Variants in COQ8B observed in about 807,000 individuals in gnomAD.
The protein encoded by COQ8B is coenzyme Q8B.
Under a neutral mutation model 62.0 loss-of-function variants are expected in COQ8B, and 44 were observed. That is an observed-to-expected ratio of 0.71 (90% confidence interval 0.56 to 0.91). The LOEUF (loss-of-function observed/expected upper bound fraction) is 0.91, where lower values mean the gene tolerates loss of function less well. Ranked by LOEUF, COQ8B falls within the 40% of genes least tolerant of loss-of-function variation. COQ8B has a pLI of 0.00. For synonymous variants in COQ8B, 252 were observed against 289.9 expected (o/e 0.87, Z 1.33); for missense variants, 649 against 731.6 (o/e 0.89, Z 1.30).
chr19:40,714,461 T>TC, intron 2 of COQ8B, 64 bp from the exon 3 acceptor site: 1 of 1,613,372 alleles, frequency 6.2e-7, no homozygotes, highest in Non-Finnish European at 8.5e-7. Flanking sequence ...TCTGGACCCC[T>TC]CCTGTCCTTT....
rs1568435087 is a variant in COQ8B at position 40,691,966 on chromosome 19, G to A, written c.*69C>T. 33 of 1,404,792 alleles carry A rather than the reference G, an allele frequency of 2.3e-5. No homozygotes were observed. Among genetic ancestry groups the A allele is most frequent in the Middle Eastern group, 2.6e-4 (1 of 3,860 alleles). 87.0% of individuals were successfully genotyped at this position (1,404,792 alleles called of 1,614,324 possible). ...GGGGCTCCTCTGACCCAGGGCAGAC[G>A]GGGAAGGGATAAGAGGCACTACAGC... is the stretch of plus-strand genomic sequence containing the variant. On this transcript the variant is annotated 3_prime_UTR_variant, in exon 15 of 15. Transcript: ENST00000324464.
Position 40,705,425 on chromosome 19 carries a change from G to A in COQ8B, c.390C>T (p.Ser130=), listed in dbSNP as rs2082093324. 6.3e-7 allele frequency: 1 copy of A among 1,586,362 alleles called. No individual in the cohort carries two copies. The highest frequency in any genetic ancestry group is 1.3e-5 in the African/African-American group (1 of 74,476). ...LQSEGGSGLD[S]SPFLSEANAE... ...CATTGGCCTCCGACAGGAAGGGGCTGGAGTCCAGCCCAGAACCACCCTCTG... is the reference window on the plus strand; with the variant it reads ...CATTGGCCTCCGACAGGAAGGGGCTAGAGTCCAGCCCAGAACCACCCTCTG... Residue 130 remains serine (S), a synonymous_variant, in exon 6 of 15, where the codon TCC becomes TCT. Coordinates refer to ENST00000324464, the MANE Select transcript of COQ8B (RefSeq NM_024876.4).
intron 10 of COQ8B, among the ~76,000 whole-genome samples, chr19:40,701,657 C>T (rs2082061909): frequency 6.6e-6 from 1 of 152,224 alleles, no homozygotes; most frequent in African/African-American, 2.4e-5. Context: ...CATCCTCACT[C>T]CACAGTGAGG....
At chr19:40,697,148 G>C (rs1768168832) in intron 12 of COQ8B, among the ~76,000 whole-genome samples, 1 of 144,272 alleles carries the variant, frequency 6.9e-6, no homozygotes, top group African/African-American at 2.6e-5. Flanking sequence ...GTCTTGATCT[G>C]TTGCCCAGGC....
At position 40,705,509 on chromosome 19, in the gene COQ8B, C is replaced by T. The variant is rs144529598; in HGVS notation, c.368-62G>A. ...ATATCATCACTGCGGCCAGGCCCGG[C>T]GGCCCACGCCTGTAATCCCAGCACT... On this transcript the variant is annotated intron_variant, in intron 5 of 14. Coordinates refer to ENST00000324464, the MANE Select transcript of COQ8B (RefSeq NM_024876.4). The T allele has an allele frequency of 3.0e-4, 441 of 1,480,158 alleles. No individual in the cohort carries two copies. The East Asian group carries it at 6.3e-3, about 21-fold the overall frequency. 91.7% of individuals were successfully genotyped at this position (1,480,158 alleles called of 1,614,324 possible). A position where few individuals can be genotyped will look rare whatever the true frequency, so the allele number is the denominator to read the frequency against.
chr19:40,702,653 C>G lies in COQ8B; in HGVS notation c.840G>C (p.Glu280Asp). The G allele has an allele frequency of 6.2e-7, 1 of 1,611,876 alleles. No individual in the cohort carries two copies. The highest frequency in any genetic ancestry group is 8.5e-7 in the Non-Finnish European group (1 of 1,179,976). ...GACGGTAGTCACACTCCCAAGCCAGCTCCTGCTGCAAGGCCTGCAGGCTCT... is the reference window on the plus strand; with the variant it reads ...GACGGTAGTCACACTCCCAAGCCAGGTCCTGCTGCAAGGCCTGCAGGCTCT... ...AEQSLQALQQ[E>D]LAWECDYRRE... Residue 280 changes from glutamate (E) to aspartate (D), a missense_variant, in exon 10 of 15, where the codon GAG becomes GAC. Physicochemically the swap from Glu to Asp is conservative, Grantham distance 45 (BLOSUM62 2). Transcript: ENST00000324464.
In COQ8B at chr19:40,692,158, G is replaced by A. The variant is rs1262332155; in HGVS notation, c.1512C>T (p.Ala504=). Reference sequence around the variant, plus strand: ...GGAAGAGGTCCCTGCAGGCGATGTGGGCTCGGAGGTGGGCACAGGCCAGGA... The same window carrying A: ...GGAAGAGGTCCCTGCAGGCGATGTGAGCTCGGAGGTGGGCACAGGCCAGGA... ...GAFLACAHLR[A]HIACRDLFQD... Residue 504 remains alanine (A), a synonymous_variant, in exon 15 of 15, where the codon GCC becomes GCT. Coordinates refer to ENST00000324464, the MANE Select transcript of COQ8B (RefSeq NM_024876.4). The A allele has an allele frequency of 6.3e-7, 1 of 1,599,784 alleles. No homozygotes were observed. Among genetic ancestry groups the A allele is most frequent in the Non-Finnish European group, 8.5e-7 (1 of 1,173,192 alleles).
At chr19:40,714,838 TC>T in intron 1 of COQ8B, 4 of 1,324,810 alleles carry the variant, frequency 3.0e-6, no homozygotes, top group East Asian at 3.1e-5. Flanking sequence ...AAACCCACTT[TC>T]CCCCCTCTCC....
chr19:40,702,550 A>T lies in COQ8B; in HGVS notation c.893+50T>A, dbSNP rs772950714. On this transcript the variant is annotated intron_variant, in intron 10 of 14. Coordinates refer to ENST00000324464, the MANE Select transcript of COQ8B (RefSeq NM_024876.4). ...GAAGCTGAGGGGGCAGCTACTTCCC[A>T]CCCAGCCTGGGAGGGAGGGAAGGAG... 4 of 1,561,994 alleles carry T rather than the reference A, an allele frequency of 2.6e-6. No homozygotes were observed. The Admixed American group carries it at 5.0e-5, about 20-fold the overall frequency.
At chr19:40,694,862 C>T (rs1599925092) in intron 13 of COQ8B, among the ~76,000 whole-genome samples, 1 of 152,306 alleles carries the variant, frequency 6.6e-6, no homozygotes, top group South Asian at 2.1e-4. Context: ...TCTGGGCTCA[C>T]AGTGCCCTGC....
chr19:40,695,091 G>T (rs542030653), intron 13 of COQ8B, among the ~76,000 whole-genome samples: 5 of 152,318 alleles, frequency 3.3e-5, no homozygotes, highest in Admixed American at 3.3e-4. Context: ...GCCAAGGCAG[G>T]AGGATCACCT....
At chr19:40,713,520 G>A (rs543435187) in intron 4 of COQ8B, among the ~76,000 whole-genome samples, 1 of 150,094 alleles carries the variant, frequency 6.7e-6, no homozygotes, top group East Asian at 2.0e-4. Flanking sequence ...CTGCACTCCA[G>A]CCTGGGTGAC....
intron 10 of COQ8B, among the ~76,000 whole-genome samples, chr19:40,702,059 C>T (rs2082064748): frequency 6.6e-6 from 1 of 152,156 alleles, no homozygotes; most frequent in African/African-American, 2.4e-5. Context: ...GGGGCTGTTG[C>T]AGACAAGCGT....
Position 40,692,169 on chromosome 19 carries a change from G to T in COQ8B, c.1501C>A (p.His501Asn). 1 of 1,597,186 alleles carries T rather than the reference G, an allele frequency of 6.3e-7. No individual in the cohort carries two copies. The change falls in exon 15 of 15, where the codon CAC (histidine) becomes AAC (asparagine). Residue 501 changes from histidine to asparagine, a missense_variant. By Grantham distance (68) the His-to-Asn change is moderately conservative. Transcript: ENST00000324464. ...CTGCAGGCGATGTGGGCTCGGAGGT[G>T]GGCACAGGCCAGGAAAGCCCCTGCC... ...KLAGAFLACA[H>N]LRAHIACRDL... is the part of the protein sequence containing the mutation.
chr19:40,696,864 T>C (rs932543967), intron 12 of COQ8B, among the ~76,000 whole-genome samples: 3 of 152,216 alleles, frequency 2.0e-5, no homozygotes, highest in African/African-American at 7.2e-5. Context: ...GTGCATATTT[T>C]CAAACTTCAC....
rs200590810 is a variant in COQ8B at position 40,705,478 on chromosome 19, C to A, written c.368-31G>T. The A allele has an allele frequency of 2.6e-6, 4 of 1,516,796 alleles. No individual in the cohort carries two copies. The African/African-American group carries it at 4.2e-5, about 16-fold the overall frequency. The allele number at this position is 1,516,796 out of a possible 1,614,324, so 94.0% of individuals were successfully genotyped here. A position where few individuals can be genotyped will look rare whatever the true frequency, so the allele number is the denominator to read the frequency against. On this transcript the variant is annotated intron_variant, in intron 5 of 14. Coordinates refer to ENST00000324464, the MANE Select transcript of COQ8B (RefSeq NM_024876.4). ...GAGAGAACAACCATTAGAATTATAA[C>A]CACAAATATCATCACTGCGGCCAGG...
At chr19:40,715,951 G>A (rs922567475) in intron 1 of COQ8B, 3 of 152,348 alleles carry the variant, frequency 2.0e-5, no homozygotes, top group South Asian at 2.1e-4. Flanking sequence ...GAGGCATCTG[G>A]TTGGGGCATC....
At position 40,692,969 on chromosome 19, in the gene COQ8B, G is replaced by C. The variant is rs776659718; in HGVS notation, c.1278C>G (p.Leu426=). The change falls in exon 14 of 15, where the codon CTC becomes CTG. Residue 426 remains leucine (L), a synonymous_variant. Transcript: ENST00000324464. ...VLQKSRDLKF[L]TGFETKAFSD... is the part of the protein sequence containing the mutation. ...TCCCCACCTTGGTTTCAAAGCCTGTGAGGAATTTGAGGTCCCTGGACTTCT... is the reference window on the plus strand; with the variant it reads ...TCCCCACCTTGGTTTCAAAGCCTGTCAGGAATTTGAGGTCCCTGGACTTCT... The C allele has an allele frequency of 5.6e-6, 9 of 1,613,814 alleles. No homozygotes were observed. In the East Asian group the frequency reaches 8.9e-5, roughly 16 times the overall value.
At chr19:40,716,348 C>T (rs1427508264) in intron 1 of COQ8B, among the ~76,000 whole-genome samples, 2 of 152,274 alleles carry the variant, frequency 1.3e-5, no homozygotes, top group African/African-American at 2.4e-5. Context: ...AATAAATAAT[C>T]CTACTGGGCT....
Sources: allele counts gnomAD v4.1 joint callset (sites outside exome capture counted in the v4.1 genomes callset), GRCh38; gene constraint gnomAD v4.1.1; transcripts MANE v1.5; gene names NCBI Gene and HGNC (gene_info 2026-07-23, HGNC 2026-07-21).